Variants in KPNA4 observed in about 807,000 individuals in gnomAD.
The protein encoded by KPNA4 is karyopherin subunit alpha 4.
KPNA4 carries 13 observed loss-of-function variants against 71.3 expected under a neutral mutation model. The ratio of observed to expected loss-of-function variants is 0.18; its 90% CI spans 0.12 to 0.29. KPNA4 has a LOEUF of 0.29. Among genes scored for constraint, KPNA4 ranks in the 10% least tolerant of loss-of-function variants. The pLI, the probability that KPNA4 is intolerant of heterozygous loss-of-function variation, is 1.00. For synonymous variants in KPNA4, 189 were observed against 195.2 expected, an observed-to-expected ratio of 0.97 and a Z score of 0.26; for missense variants, 334 against 603.2, an observed-to-expected ratio of 0.55 and a Z score of 4.67.
intron 1 of KPNA4, among the ~76,000 whole-genome samples, chr3:160,555,224 G>T (rs1036518441): frequency 6.6e-6 from 1 of 152,236 alleles, no homozygotes. Flanking sequence ...TTGAGTGACT[G>T]TATGAAAGGA....
In KPNA4 at chr3:160,495,663, C is replaced by T. The variant is rs951104206; in HGVS notation, c.*6441G>A. 4 of 151,318 alleles carry T rather than the reference C, an allele frequency of 2.6e-5. No homozygotes were observed. The highest frequency in any genetic ancestry group is 9.7e-5 in the African/African-American group (4 of 41,140). The allele number at this position is 151,318 out of a possible 1,614,324, so 9.4% of individuals were successfully genotyped here. On this transcript the variant is annotated 3_prime_UTR_variant, in exon 17 of 17. Transcript: ENST00000334256. ...ATATAATACTGACATGGCAGAAGTG[C>T]GAGTTTTATCAGTGATACACATTGT...
At chr3:160,559,435 TG>T (rs1722201235) in intron 1 of KPNA4, among the ~76,000 whole-genome samples, 1 of 152,194 alleles carries the variant, frequency 6.6e-6, no homozygotes, top group African/African-American at 2.4e-5. Flanking sequence ...TGTTAGCATT[TG>T]GAAGACGTGC....
At chr3:160,516,035 G>A in intron 11 of KPNA4, among the ~76,000 whole-genome samples, 1 of 152,170 alleles carries the variant, frequency 6.6e-6, no homozygotes, top group East Asian at 1.9e-4. Context: ...CGCCCAGGCT[G>A]AAGTGCAGTG....
intron 1 of KPNA4, among the ~76,000 whole-genome samples, chr3:160,545,639 C>T (rs761985081): frequency 7.2e-5 from 11 of 152,204 alleles, no homozygotes; most frequent in East Asian, 3.9e-4. Flanking sequence ...ACTCGAAGTG[C>T]GCTAGGAAGC....
At chr3:160,522,923 T>A (rs549749231) in intron 10 of KPNA4, among the ~76,000 whole-genome samples, 11 of 151,050 alleles carry the variant, frequency 7.3e-5, no homozygotes, top group African/African-American at 2.2e-4. Flanking sequence ...TTCTACTAAG[T>A]AGCCTACCAT....
intron 5 of KPNA4, among the ~76,000 whole-genome samples, chr3:160,532,578 T>C (rs1465279432): frequency 6.6e-6 from 1 of 152,184 alleles, no homozygotes; most frequent in Admixed American, 6.5e-5. Context: ...CTAGTGTCTA[T>C]TTTCACATGT....
chr3:160,522,884 A>G (rs1323478967), intron 10 of KPNA4, among the ~76,000 whole-genome samples: 4 of 28,514 alleles, frequency 1.4e-4, no homozygotes, highest in African/African-American at 7.2e-4. Context: ...GCTACTTATG[A>G]AAAAAAAAAA....
At chr3:160,532,931 C>G (rs1272972461) in intron 5 of KPNA4, among the ~76,000 whole-genome samples, 1 of 152,212 alleles carries the variant, frequency 6.6e-6, no homozygotes, top group Non-Finnish European at 1.5e-5. Context: ...TATTCAAACT[C>G]TATTCAAAGT....
At chr3:160,561,908 A>G (rs1456186239) in intron 1 of KPNA4, among the ~76,000 whole-genome samples, 2 of 152,116 alleles carry the variant, frequency 1.3e-5, no homozygotes, top group East Asian at 1.9e-4. Context: ...TCTTCCTAAC[A>G]TTACCTATTA....
At chr3:160,518,446 T>A (rs1721274706) in intron 11 of KPNA4, among the ~76,000 whole-genome samples, 2 of 151,128 alleles carry the variant, frequency 1.3e-5, no homozygotes, top group Non-Finnish European at 2.9e-5. Context: ...ATTCTGAGTT[T>A]TTGCATGTAG....
intron 1 of KPNA4, among the ~76,000 whole-genome samples, chr3:160,548,580 C>T (rs1051757431): frequency 1.3e-5 from 2 of 152,120 alleles, no homozygotes; most frequent in Non-Finnish European, 2.9e-5. Context: ...TGGCATATTT[C>T]GCTTGGCATA....
chr3:160,565,435 G>T lies in KPNA4; in HGVS notation c.-153C>A, dbSNP rs968992809. 8 of 624,948 alleles carry T rather than the reference G, an allele frequency of 1.3e-5. No individual in the cohort carries two copies. Among genetic ancestry groups the T allele is most frequent in the Non-Finnish European group, 2.2e-5 (8 of 359,674 alleles). The allele number at this position is 624,948 out of a possible 1,614,324, so 38.7% of individuals were successfully genotyped here. A position where few individuals can be genotyped will look rare whatever the true frequency, so the allele number is the denominator to read the frequency against. ...TCCTCCTCTCACCTGCCTCCGCCGC[G>T]GCCTTCTCCTCTCCCCGCCCGCCCC... On this transcript the variant is annotated 5_prime_UTR_variant, in exon 1 of 17. Transcript: ENST00000334256.
At chr3:160,537,902 T>G (rs1255265174) in intron 1 of KPNA4, among the ~76,000 whole-genome samples, 18 of 151,946 alleles carry the variant, frequency 1.2e-4, no homozygotes, top group Non-Finnish European at 2.2e-4. Flanking sequence ...CCATTATCTC[T>G]CAACTAGATA....
chr3:160,511,206 C>T (rs773214126), intron 13 of KPNA4, among the ~76,000 whole-genome samples: 6 of 151,842 alleles, frequency 4.0e-5, no homozygotes, highest in Non-Finnish European at 8.8e-5. Flanking sequence ...CCTGGGTTCA[C>T]ACCATTCTCC....
chr3:160,503,900 T>C (rs763395886), intron 16 of KPNA4, among the ~76,000 whole-genome samples: 1 of 152,096 alleles, frequency 6.6e-6, no homozygotes, highest in African/African-American at 2.4e-5. Context: ...CAGGGCAACA[T>C]AGGGAGACCT....
intron 15 of KPNA4, 61 bp from the exon 16 acceptor site, chr3:160,505,113 A>G (rs2108542583): frequency 1.1e-6 from 1 of 870,384 alleles, no homozygotes; most frequent in East Asian, 2.9e-5. Context: ...ACAAGTTAGA[A>G]TAATCTTTGG....
At chr3:160,522,648 C>CG (rs1721375294) in intron 10 of KPNA4, among the ~76,000 whole-genome samples, 1 of 152,108 alleles carries the variant, frequency 6.6e-6, no homozygotes, top group African/African-American at 2.4e-5. Context: ...TCAGTAGAGA[C>CG]GGGGTTTCAC....
intron 1 of KPNA4, chr3:160,564,687 G>C (rs1722304389): frequency 6.6e-6 from 1 of 152,034 alleles, no homozygotes; most frequent in South Asian, 2.1e-4. Context: ...CGGGAGTCGG[G>C]AAGACCAGAA....
intron 1 of KPNA4, among the ~76,000 whole-genome samples, chr3:160,559,055 G>A (rs1456429141): frequency 1.3e-5 from 2 of 152,236 alleles, no homozygotes; most frequent in South Asian, 2.1e-4. Flanking sequence ...AAGTACTTGT[G>A]CAACTGAGTT....
Sources: allele counts gnomAD v4.1 joint callset (sites outside exome capture counted in the v4.1 genomes callset), GRCh38; gene constraint gnomAD v4.1.1; transcripts MANE v1.5; gene names NCBI Gene and HGNC (gene_info 2026-07-23, HGNC 2026-07-21).